GALNT18: variants seen among roughly 807,000 people sequenced by gnomAD.
GALNT18 encodes the protein polypeptide N-acetylgalactosaminyltransferase 18.
A neutral mutation model predicts 69.5 loss-of-function variants in GALNT18; 44 were observed. The observed-to-expected ratio is 0.63, with a 90% CI of 0.50 to 0.81. The LOEUF is 0.81. Ranked by LOEUF, GALNT18 falls within the 40% of genes least tolerant of loss-of-function variation. The pLI is 0.00. For missense variants in GALNT18, 715 were observed against 810.0 expected (o/e 0.88, Z 1.42); for synonymous variants, 364 against 318.2 (o/e 1.14, Z -1.53).
At chr11:11,571,965 C>T (rs1023726109) in intron 1 of GALNT18, among the ~76,000 whole-genome samples, 2 of 152,080 alleles carry the variant, frequency 1.3e-5, no homozygotes, top group African/African-American at 4.8e-5. Flanking sequence ...ACCACAGACC[C>T]CACACTAACT....
At chr11:11,434,140 T>C (rs1013688992) in intron 2 of GALNT18, among the ~76,000 whole-genome samples, 3 of 152,090 alleles carry the variant, frequency 2.0e-5, no homozygotes, top group African/African-American at 7.2e-5. Flanking sequence ...CTTAAGAGCA[T>C]GAGATTAATA....
intron 1 of GALNT18, among the ~76,000 whole-genome samples, chr11:11,468,628 A>C (rs1856204867): frequency 6.6e-6 from 1 of 152,074 alleles, no homozygotes; most frequent in South Asian, 2.1e-4. Context: ...AAGCCAGGCC[A>C]GGTTGCAGGA....
chr11:11,307,238 A>G (rs1307246254), intron 9 of GALNT18, among the ~76,000 whole-genome samples: 1 of 152,152 alleles, frequency 6.6e-6, no homozygotes, highest in Non-Finnish European at 1.5e-5. Context: ...AATTGTTCTG[A>G]TATGGGTACC....
chr11:11,490,268 C>CACACACAA (rs1466669157), intron 1 of GALNT18, among the ~76,000 whole-genome samples: 1 of 150,146 alleles, frequency 6.7e-6, no homozygotes, highest in Admixed American at 6.7e-5. Context: ...CACACACACA[C>CACACACAA]ACTCCTTCCA....
chr11:11,560,765 G>C (rs1322419713), intron 1 of GALNT18, among the ~76,000 whole-genome samples: 1 of 152,166 alleles, frequency 6.6e-6, no homozygotes, highest in Non-Finnish European at 1.5e-5. Context: ...CCATTTTCTT[G>C]GGCCCTCAGA....
chr11:11,379,390 G>C, intron 3 of GALNT18, 126 bp from the exon 4 acceptor site: 1 of 848,560 alleles, frequency 1.2e-6, no homozygotes, highest in Admixed American at 2.6e-5. Context: ...CCCTCCCTGG[G>C]TCTTCTTCAG....
At chr11:11,400,880 A>G (rs1344543932) in intron 3 of GALNT18, among the ~76,000 whole-genome samples, 1 of 152,030 alleles carries the variant, frequency 6.6e-6, no homozygotes, top group Admixed American at 6.5e-5. Flanking sequence ...GGACCGTGCC[A>G]TGAGTATGCA....
In GALNT18 at chr11:11,462,513, G is replaced by A. The variant is rs192102846; in HGVS notation, c.236-13577C>T. On this transcript the variant is annotated intron_variant, in intron 1 of 10. Transcript: ENST00000227756. ...TCACCATGTTGGCCAGGCTGGTCTC[G>A]AACTCTTAACCTCAAGTGATCCACC... Among the ~76,000 whole-genome samples the A allele has an allele frequency of 2.0e-3, 302 of 151,618 alleles. 2 individuals are homozygous for A. Among genetic ancestry groups the A allele is most frequent in the African/African-American group, 6.8e-3 (282 of 41,306 alleles).
Position 11,339,232 on chromosome 11 carries a change from C to T in GALNT18, c.1278+1587G>A, listed in dbSNP as rs542072397. On this transcript the variant is annotated intron_variant, in intron 7 of 10. Transcript: ENST00000227756. This position sits in a 1 kb window ranked among gnomAD's most constrained non-coding sequence, Gnocchi z 5.2. ...TTCCACCTCTTACCTGTCTTGTGTT[C>T]ACTTCCCCCTACCCATTTGATTTGA... 6.6e-6 allele frequency among the ~76,000 whole-genome samples: 1 copy of T among 152,286 alleles called. No homozygotes were observed. Among genetic ancestry groups the T allele is most frequent in the African/African-American group, 2.4e-5 (1 of 41,564 alleles).
At position 11,377,289 on chromosome 11, in the gene GALNT18, TA is replaced by T; in HGVS notation, c.869del (p.Ile290LysfsTer20). 6.8e-6 allele frequency: 11 copies of T among 1,613,998 alleles called. No individual in the cohort carries two copies. The highest frequency in any genetic ancestry group is 9.3e-6 in the Non-Finnish European group (11 of 1,179,998). Reference sequence around the variant, plus strand: ...CCTGGGCAGCCAGCGGGTACTCTTCTATCTCAAAGTTGTCATATTTGATGTT... The same window carrying T: ...CCTGGGCAGCCAGCGGGTACTCTTCTTCTCAAAGTTGTCATATTTGATGTT... ...FDNIKYDNFE[I>X]EEYPLAAQGF... On this transcript the variant is annotated frameshift_variant, in exon 5 of 11. Coordinates refer to ENST00000227756, the MANE Select transcript of GALNT18 (RefSeq NM_198516.3). LOFTEE classifies it high-confidence loss of function. This position sits in a 1 kb window ranked among gnomAD's most constrained non-coding sequence, Gnocchi z 4.6.
At chr11:11,478,207 G>C (rs1856443623) in intron 1 of GALNT18, among the ~76,000 whole-genome samples, 1 of 152,192 alleles carries the variant, frequency 6.6e-6, no homozygotes, top group South Asian at 2.1e-4. Flanking sequence ...AGCAACACTG[G>C]GAGCTGGAAG....
intron 3 of GALNT18, among the ~76,000 whole-genome samples, chr11:11,429,219 A>AT (rs1215031953): frequency 6.6e-6 from 1 of 152,096 alleles, no homozygotes; most frequent in African/African-American, 2.4e-5. Context: ...GTGAATAGAC[A>AT]GTTCTCTTAT....
At position 11,592,371 on chromosome 11, in the gene GALNT18, G is replaced by A. The variant is rs1291034082; in HGVS notation, c.235+28988C>T. Among the ~76,000 whole-genome samples, 1 of 152,204 alleles carries A rather than the reference G, an allele frequency of 6.6e-6. No homozygotes were observed. The highest frequency in any genetic ancestry group is 1.9e-4 in the East Asian group (1 of 5,194). ...ACATATTGACATGCTGTTCCTGCAAGGAAGTGGACTGAGTTTTCTAGATAA... is the reference window on the plus strand; with the variant it reads ...ACATATTGACATGCTGTTCCTGCAAAGAAGTGGACTGAGTTTTCTAGATAA... On this transcript the variant is annotated intron_variant, in intron 1 of 10. Coordinates refer to ENST00000227756, the MANE Select transcript of GALNT18 (RefSeq NM_198516.3). The surrounding 1 kb of genome is among the most constrained non-coding windows in gnomAD (Gnocchi z 5.9).
chr11:11,516,448 A>G (rs1485055603), intron 1 of GALNT18, among the ~76,000 whole-genome samples: 1 of 152,124 alleles, frequency 6.6e-6, no homozygotes, highest in Non-Finnish European at 1.5e-5. Context: ...CCTGGCCAAT[A>G]TGGTGAAACC....
intron 1 of GALNT18, among the ~76,000 whole-genome samples, chr11:11,561,978 T>A (rs983274573): frequency 6.6e-6 from 1 of 152,228 alleles, no homozygotes; most frequent in Non-Finnish European, 1.5e-5. Context: ...CTGCCCACTG[T>A]CACACAGCGA....
chr11:11,456,436 T>C (rs760356064), intron 1 of GALNT18, among the ~76,000 whole-genome samples: 9 of 152,188 alleles, frequency 5.9e-5, no homozygotes, highest in Non-Finnish European at 1.3e-4. Flanking sequence ...TGTTAAACTA[T>C]TGAAATACCT....
intron 1 of GALNT18, among the ~76,000 whole-genome samples, chr11:11,518,873 C>G (rs982452254): frequency 6.6e-6 from 1 of 152,208 alleles, no homozygotes; most frequent in Non-Finnish European, 1.5e-5. Flanking sequence ...GTCCTCAGAA[C>G]ATCCTGGTAC....
rs1857968907 is a variant in GALNT18 at position 11,543,347 on chromosome 11, T to C, written c.235+78012A>G. Among the ~76,000 whole-genome samples, 1 of 152,158 alleles carries C rather than the reference T, an allele frequency of 6.6e-6. No individual in the cohort carries two copies. The highest frequency in any genetic ancestry group is 1.5e-5 in the Non-Finnish European group (1 of 68,024). On this transcript the variant is annotated intron_variant, in intron 1 of 10. Transcript: ENST00000227756. The surrounding 1 kb of genome is among the most constrained non-coding windows in gnomAD (Gnocchi z 5.1). The stretch of plus-strand genomic sequence containing the variant: ...TTCATTCTCTCATGGCAGGAATCCT[T>C]AGTAGGCCACCTCAGCTGGAGTGAC...
chr11:11,402,940 C>T lies in GALNT18; in HGVS notation c.596-23676G>A, dbSNP rs954311801. ...AAGTGGGTGCTTCTTTCTTCTCTGC[C>T]CCAGGCATTCCCCTGAGGAAAGTGA... On this transcript the variant is annotated intron_variant, in intron 3 of 10. Transcript: ENST00000227756. This position sits in a 1 kb window ranked among gnomAD's most constrained non-coding sequence, Gnocchi z 4.0. Among the ~76,000 whole-genome samples the T allele has an allele frequency of 6.6e-6, 1 of 152,108 alleles. No individual in the cohort carries two copies. Among genetic ancestry groups the T allele is most frequent in the African/African-American group, 2.4e-5 (1 of 41,430 alleles).
Sources: gnomAD v4.1 joint callset for allele counts (sites outside exome capture counted in the v4.1 genomes callset) on GRCh38, gnomAD v4.1.1 for gene constraint, Gnocchi (gnomAD v3.1) non-coding constraint, MANE v1.5 for transcripts, NCBI Gene and HGNC (gene_info 2026-07-23, HGNC 2026-07-21) for gene names.